The following HORMAD2 variants were observed in gnomAD, a reference collection of about 807,000 sequenced individuals.
HORMAD2 encodes HORMA domain-containing protein 2.
In HORMAD2, 45 loss-of-function variants were observed where a neutral mutation model predicts 38.8. The ratio of observed to expected loss-of-function variants is 1.16; its 90% CI spans 0.91 to 1.49. HORMAD2 has a LOEUF of 1.49. HORMAD2 is among the 40% of genes most tolerant of loss of function. HORMAD2 has a pLI of 0.00. For synonymous variants in HORMAD2, 126 were observed against 122.8 expected, an observed-to-expected ratio of 1.03 and a Z score of -0.17; for missense variants, 338 against 367.0, an observed-to-expected ratio of 0.92 and a Z score of 0.65.
intron 1 of HORMAD2, among the ~76,000 whole-genome samples, chr22:30,085,439 C>T (rs1601494170): frequency 6.6e-6 from 1 of 151,974 alleles, no homozygotes; most frequent in Non-Finnish European, 1.5e-5. Flanking sequence ...ATACTAAAAC[C>T]CACTGAATTA....
At chr22:30,200,462 A>T in the HORMAD2 span, among the ~76,000 whole-genome samples, 1 of 152,120 alleles carries the variant, frequency 6.6e-6, no homozygotes, top group African/African-American at 2.4e-5. Flanking sequence ...TGTGAATAGG[A>T]TATTGGAATT....
At chr22:30,094,501 T>C (rs762444104) in intron 2 of HORMAD2, among the ~76,000 whole-genome samples, 54 of 152,242 alleles carry the variant, frequency 3.5e-4, no homozygotes, top group Non-Finnish European at 6.3e-4. Context: ...CTAAATATTA[T>C]GTAGTATAAT....
the HORMAD2 span, among the ~76,000 whole-genome samples, chr22:30,201,226 C>T: frequency 2.0e-5 from 3 of 152,104 alleles, no homozygotes; most frequent in African/African-American, 7.2e-5. Flanking sequence ...CAGTCTCTAC[C>T]TCTGTCTTCA....
chr22:30,099,174 A>G (rs1245131590), intron 3 of HORMAD2, among the ~76,000 whole-genome samples, 181 bp downstream of exon 3: 2 of 152,244 alleles, frequency 1.3e-5, no homozygotes, highest in Non-Finnish European at 2.9e-5. Flanking sequence ...ACTTATAGGA[A>G]TTACTAGTTC....
chr22:30,137,029 AT>A, intron 10 of HORMAD2: 5 of 410,632 alleles, frequency 1.2e-5, no homozygotes, highest in African/African-American at 2.1e-5. Context: ...TAATTGTTGC[AT>A]TTTTTAGTAA....
At chr22:30,193,266 A>G in the HORMAD2 span, among the ~76,000 whole-genome samples, 6 of 152,240 alleles carry the variant, frequency 3.9e-5, no homozygotes, top group East Asian at 9.6e-4. Context: ...TTTAGTAAAC[A>G]TATCATGTCA....
At chr22:30,151,972 G>T (rs1354692009) in intron 10 of HORMAD2, among the ~76,000 whole-genome samples, 2 of 152,138 alleles carry the variant, frequency 1.3e-5, no homozygotes, top group Admixed American at 6.5e-5. Context: ...AAAGCCTTCA[G>T]ATAATCCTGA....
chr22:30,137,056 G>A (rs575471652), intron 10 of HORMAD2: 2 of 375,714 alleles, frequency 5.3e-6, no homozygotes, highest in Non-Finnish European at 9.8e-6. Context: ...ACACAAAACA[G>A]ACAAAGTAAA....
chr22:30,156,416 C>T (rs1486150474), intron 10 of HORMAD2, among the ~76,000 whole-genome samples: 1 of 152,048 alleles, frequency 6.6e-6, no homozygotes, highest in African/African-American at 2.4e-5. Context: ...GAAAGAACAC[C>T]TAACCTAAAT....
chr22:30,172,034 C>T (rs901882072), intron 10 of HORMAD2, among the ~76,000 whole-genome samples: 3 of 152,016 alleles, frequency 2.0e-5, no homozygotes, highest in Admixed American at 6.6e-5. Flanking sequence ...AAACAGCCTG[C>T]CAAATTAGAT....
At chr22:30,187,211 T>G in the HORMAD2 span, among the ~76,000 whole-genome samples, 1 of 152,240 alleles carries the variant, frequency 6.6e-6, no homozygotes, top group Admixed American at 6.5e-5. Flanking sequence ...TCTAACCATG[T>G]CATACATATT....
intron 10 of HORMAD2, among the ~76,000 whole-genome samples, chr22:30,130,814 C>T (rs1473802799): frequency 2.6e-5 from 4 of 151,908 alleles, no homozygotes; most frequent in African/African-American, 9.7e-5. Context: ...TGGTCTCCAA[C>T]TCCTGAGCTC....
chr22:30,101,438 G>T (rs1211924475), intron 3 of HORMAD2, among the ~76,000 whole-genome samples: 1 of 151,800 alleles, frequency 6.6e-6, no homozygotes, highest in Non-Finnish European at 1.5e-5. Flanking sequence ...CTGTAGGGGG[G>T]TGGGGGGCAA....
intron 10 of HORMAD2, among the ~76,000 whole-genome samples, chr22:30,163,053 A>G (rs1925551807): frequency 6.6e-6 from 1 of 152,034 alleles, no homozygotes. Flanking sequence ...CTTTTTTTAA[A>G]CTTACTTTTT....
chr22:30,100,988 G>A (rs967530464), intron 3 of HORMAD2, among the ~76,000 whole-genome samples: 2 of 152,170 alleles, frequency 1.3e-5, no homozygotes, highest in East Asian at 3.9e-4. Context: ...GTTGGTGGGA[G>A]TGTAAATTAG....
intron 10 of HORMAD2, among the ~76,000 whole-genome samples, chr22:30,133,392 A>C (rs1923416968): frequency 6.6e-6 from 1 of 151,626 alleles, no homozygotes; most frequent in Admixed American, 6.6e-5. Flanking sequence ...AATGGTAAAG[A>C]AAAGTTAGAA....
At chr22:30,139,293 GTCTC>G (rs1240880363) in intron 10 of HORMAD2, among the ~76,000 whole-genome samples, 3 of 87,378 alleles carry the variant, frequency 3.4e-5, no homozygotes, top group South Asian at 3.3e-4. Flanking sequence ...TATATCCTCT[GTCTC>G]TCTCTCTCTA....
chr22:30,205,210 G>A, the HORMAD2 span, among the ~76,000 whole-genome samples: 1 of 152,136 alleles, frequency 6.6e-6, no homozygotes, highest in South Asian at 2.1e-4. Flanking sequence ...TTTACAGATA[G>A]AATAACTGGT....
chr22:30,203,155 G>C, the HORMAD2 span, among the ~76,000 whole-genome samples: 2 of 152,218 alleles, frequency 1.3e-5, no homozygotes, highest in African/African-American at 2.4e-5. Flanking sequence ...AGCACTTTGG[G>C]AGGCCGAGGC....
Sources: gnomAD v4.1 joint callset for allele counts (sites outside exome capture counted in the v4.1 genomes callset) on GRCh38, gnomAD v4.1.1 for gene constraint, MANE v1.5 for transcripts, NCBI Gene and HGNC (gene_info 2026-07-23, HGNC 2026-07-21) for gene names.